Variants in GLIS3 observed in about 807,000 individuals in gnomAD.
GLIS3 encodes GLIS family zinc finger 3.
GLIS3 carries 53 observed loss-of-function variants against 78.6 expected under a neutral mutation model. The ratio of observed to expected loss-of-function variants is 0.67; its 90% CI spans 0.54 to 0.85. The LOEUF (loss-of-function observed/expected upper bound fraction) is 0.85. GLIS3 is among the 40% of genes least tolerant of loss of function. The pLI is 0.00. For synonymous variants in GLIS3, 684 were observed against 509.9 expected, an observed-to-expected ratio of 1.34 and a Z score of -4.60; for missense variants, 1,703 against 1,231.1, an observed-to-expected ratio of 1.38 and a Z score of -5.74.
chr9:4,187,007 C>A (rs181316375), intron 2 of GLIS3, among the ~76,000 whole-genome samples: 2 of 152,122 alleles, frequency 1.3e-5, no homozygotes, highest in African/African-American at 4.8e-5. Flanking sequence ...TAATTAGATC[C>A]CATTTGTCAA....
At chr9:4,121,360 CTT>C (rs1303471686) in intron 3 of GLIS3, among the ~76,000 whole-genome samples, 1 of 152,130 alleles carries the variant, frequency 6.6e-6, no homozygotes, top group Non-Finnish European at 1.5e-5. Flanking sequence ...ATTTCAAAGT[CTT>C]TTAACAGAAG....
At chr9:4,407,567 A>G in the GLIS3 span, among the ~76,000 whole-genome samples, 1 of 152,224 alleles carries the variant, frequency 6.6e-6, no homozygotes, top group African/African-American at 2.4e-5. Context: ...GAATGGCGAG[A>G]ACCCGGGAGG....
intron 2 of GLIS3, among the ~76,000 whole-genome samples, chr9:4,268,494 T>G (rs1587235373): frequency 6.6e-6 from 1 of 152,192 alleles, no homozygotes; most frequent in African/African-American, 2.4e-5. Flanking sequence ...CCAGCTTCAT[T>G]TGATATAGAG....
intron 2 of GLIS3, among the ~76,000 whole-genome samples, chr9:4,186,808 T>A (rs1328821631): frequency 6.6e-6 from 1 of 152,230 alleles, no homozygotes; most frequent in Non-Finnish European, 1.5e-5. Context: ...TTTTGAGAAG[T>A]GTCTGTTCAT....
At chr9:3,834,883 A>G (rs1818258916) in intron 9 of GLIS3, among the ~76,000 whole-genome samples, 4 of 152,180 alleles carry the variant, frequency 2.6e-5, no homozygotes, top group Non-Finnish European at 5.9e-5. Flanking sequence ...TCCCTTCTGA[A>G]GCAGCAGCAG....
chr9:4,049,152 C>G (rs1039050359), intron 4 of GLIS3, among the ~76,000 whole-genome samples: 15 of 152,198 alleles, frequency 9.9e-5, no homozygotes, highest in African/African-American at 3.6e-4. Context: ...ATAACAACAA[C>G]AGCTGCACCT....
At chr9:4,053,241 G>A (rs183428606) in intron 4 of GLIS3, among the ~76,000 whole-genome samples, 5 of 152,086 alleles carry the variant, frequency 3.3e-5, no homozygotes, top group Non-Finnish European at 5.9e-5. Context: ...GAGCCACAGC[G>A]CCCAGCCTCA....
intron 9 of GLIS3, among the ~76,000 whole-genome samples, chr9:3,839,145 C>A (rs1383005078): frequency 6.6e-6 from 1 of 152,286 alleles, no homozygotes; most frequent in Non-Finnish European, 1.5e-5. Flanking sequence ...AACAAATGTT[C>A]CCATTTTAGA....
At chr9:4,364,684 TTTC>T in the GLIS3 span, among the ~76,000 whole-genome samples, 267 of 145,682 alleles carry the variant, frequency 1.8e-3, 1 homozygote, top group African/African-American at 5.0e-3. Flanking sequence ...ATCTTTTTAT[TTTC>T]TTCTTTATAT....
At chr9:3,976,708 C>T (rs1295863669) in intron 4 of GLIS3, among the ~76,000 whole-genome samples, 2 of 145,474 alleles carry the variant, frequency 1.4e-5, no homozygotes, top group East Asian at 4.1e-4. Context: ...TAGGACACAC[C>T]CATTTACTTG....
the GLIS3 span, among the ~76,000 whole-genome samples, chr9:4,399,165 GCT>G: frequency 2.6e-5 from 4 of 152,162 alleles, no homozygotes; most frequent in African/African-American, 9.7e-5. Context: ...GATATTGACT[GCT>G]GCCAACACAA....
intron 4 of GLIS3, among the ~76,000 whole-genome samples, chr9:3,978,639 T>C (rs985881423): frequency 1.3e-5 from 2 of 152,036 alleles, no homozygotes; most frequent in Non-Finnish European, 2.9e-5. Flanking sequence ...TATATATATA[T>C]ATAAATACTA....
chr9:4,430,092 G>A, the GLIS3 span, among the ~76,000 whole-genome samples: 10 of 152,154 alleles, frequency 6.6e-5, no homozygotes, highest in Middle Eastern at 3.4e-3. Context: ...CAAGGAGCCC[G>A]GGAATGAGAT....
intron 2 of GLIS3, among the ~76,000 whole-genome samples, chr9:4,228,968 T>C (rs1405217837): frequency 6.6e-6 from 1 of 152,166 alleles, no homozygotes; most frequent in Non-Finnish European, 1.5e-5. Flanking sequence ...TAATGCTTTG[T>C]TGAGTACAGC....
At chr9:4,401,405 T>C in the GLIS3 span, among the ~76,000 whole-genome samples, 1 of 151,310 alleles carries the variant, frequency 6.6e-6, no homozygotes, top group Non-Finnish European at 1.5e-5. Context: ...GGTTACAGGC[T>C]TAAGCCACCA....
At position 4,290,581 on chromosome 9, in the gene GLIS3, A is replaced by C. The variant is rs115111339; in HGVS notation, c.-98-4058T>G. 5.5e-3 allele frequency among the ~76,000 whole-genome samples: 831 copies of C among 152,252 alleles called. 11 individuals are homozygous for C. Among genetic ancestry groups the C allele is most frequent in the African/African-American group, 0.018 (768 of 41,564 alleles). On this transcript the variant is annotated intron_variant, in intron 1 of 10. Coordinates refer to ENST00000381971, the MANE Select transcript of GLIS3 (RefSeq NM_001042413.2). ...ATAAGTTATTCTCATGCACGGCTGC[A>C]GTGTGAAGCACATTTCGCAATTCAA...
intron 7 of GLIS3, among the ~76,000 whole-genome samples, chr9:3,895,112 C>A (rs946610118): frequency 6.6e-6 from 1 of 152,230 alleles, no homozygotes; most frequent in Admixed American, 6.5e-5. Context: ...CTGTTCCACA[C>A]TGTCCATGAT....
chr9:4,122,316 C>G (rs1210632269), intron 3 of GLIS3, among the ~76,000 whole-genome samples: 9 of 152,194 alleles, frequency 5.9e-5, no homozygotes, highest in African/African-American at 1.7e-4. Context: ...CAGTCCTAGT[C>G]TATCTGGAAA....
At chr9:4,055,507 A>G (rs1189695046) in intron 4 of GLIS3, among the ~76,000 whole-genome samples, 1 of 152,180 alleles carries the variant, frequency 6.6e-6, no homozygotes, top group African/African-American at 2.4e-5. Flanking sequence ...GAGATGCACA[A>G]AAGCTTAAAA....
Sources: gnomAD v4.1 joint callset for allele counts (sites outside exome capture counted in the v4.1 genomes callset) on GRCh38, gnomAD v4.1.1 for gene constraint, MANE v1.5 for transcripts, NCBI Gene and HGNC (gene_info 2026-07-23, HGNC 2026-07-21) for gene names.